The following PRLR variants were observed in gnomAD, a reference collection of about 807,000 sequenced individuals.
PRLR encodes the protein hPRL receptor.
Under a neutral mutation model 40.2 loss-of-function variants are expected in PRLR, and 13 were observed. That is an observed-to-expected ratio of 0.32 (90% CI 0.21 to 0.51). The LOEUF is 0.51. Among genes scored for constraint, PRLR ranks in the 20% least tolerant of loss-of-function variants. PRLR has a pLI of 0.97. For missense variants in PRLR, 656 were observed against 747.3 expected, an observed-to-expected ratio of 0.88 and a Z score of 1.42; for synonymous variants, 269 against 278.7, an observed-to-expected ratio of 0.97 and a Z score of 0.35.
At chr5:35,067,600 G>C (rs1769460612) in intron 9 of PRLR, among the ~76,000 whole-genome samples, 1 of 152,182 alleles carries the variant, frequency 6.6e-6, no homozygotes. Context: ...TCAGTGTTAA[G>C]CTTAAAAGCC....
At position 35,068,779 on chromosome 5, in the gene PRLR, C is replaced by T; in HGVS notation, c.785G>A (p.Ser262Asn). 1 of 1,587,744 alleles carries T rather than the reference C, an allele frequency of 6.3e-7. No homozygotes were observed. The highest frequency in any genetic ancestry group is 8.6e-7 in the Non-Finnish European group (1 of 1,156,454). ...IVWAVALKGY[S>N]MVTCIFPPVP... The stretch of plus-strand genomic sequence containing the variant: ...GAAAAGTTGAGAGACAGTGAAGTAC[C>T]TATAGCCCTTCAAAGCCACTGCCCA... The change falls in exon 8 of 10, where the codon AGC becomes AAC. Residue 262 changes from serine to asparagine, a missense_variant and splice_region_variant. Transcript: ENST00000618457.
At position 35,061,120 on chromosome 5, in the gene PRLR, A is replaced by G. The variant is rs1018749388; in HGVS notation, c.*3969T>C. 4 of 151,616 alleles carry G rather than the reference A, an allele frequency of 2.6e-5. No individual in the cohort carries two copies. Among genetic ancestry groups the G allele is most frequent in the African/African-American group, 4.9e-5 (2 of 41,046 alleles). 9.4% of individuals were successfully genotyped at this position (151,616 alleles called of 1,614,324 possible). On this transcript the variant is annotated 3_prime_UTR_variant, in exon 10 of 10. Coordinates refer to ENST00000618457, the MANE Select transcript of PRLR (RefSeq NM_000949.7). The stretch of plus-strand genomic sequence containing the variant: ...TCCATTCATACATATCTATATCTAT[A>G]TCTATATATATATATAATCCCTATA...
In PRLR at chr5:35,065,150, C is replaced by T; in HGVS notation, c.1808G>A (p.Arg603Lys). Residue 603 changes from arginine (R) to lysine (K), a missense_variant, in exon 10 of 10, where the codon AGG becomes AAG. Transcript: ENST00000618457. ...GTAATCCAAACCACCCAGCTGGAGC[C>T]TGCACTTGCTTGATGTTGCAGTGAA... The part of the protein sequence containing the change: ...ANFTATSSKC[R>K]LQLGGLDYLD... The T allele has an allele frequency of 1.2e-6, 2 of 1,614,176 alleles. No homozygotes were observed. Among genetic ancestry groups the T allele is most frequent in the Non-Finnish European group, 1.7e-6 (2 of 1,180,028 alleles).
intron 4 of PRLR, among the ~76,000 whole-genome samples, chr5:35,085,901 A>T (rs1218048956): frequency 1.3e-5 from 2 of 151,884 alleles, no homozygotes; most frequent in Non-Finnish European, 2.9e-5. Context: ...GATTGATGGG[A>T]CCCAAGCAAG....
intron 2 of PRLR, among the ~76,000 whole-genome samples, chr5:35,109,125 T>G (rs1040766365): frequency 6.6e-6 from 1 of 152,090 alleles, no homozygotes; most frequent in Non-Finnish European, 1.5e-5. Flanking sequence ...GAAAGGATTC[T>G]CTATTTAATA....
chr5:35,051,263 T>C (rs571743630), downstream of PRLR, among the ~76,000 whole-genome samples: 21 of 152,356 alleles, frequency 1.4e-4, no homozygotes, highest in East Asian at 1.5e-3. Context: ...GTGCCTGGCA[T>C]ACAGTGTTCA....
At chr5:35,223,478 G>C (rs142916327) in intron 1 of PRLR, among the ~76,000 whole-genome samples, 11 of 152,278 alleles carry the variant, frequency 7.2e-5, no homozygotes, top group African/African-American at 2.6e-4. Flanking sequence ...GGAGCCACTG[G>C]ATTAAGCCAA....
intron 2 of PRLR, among the ~76,000 whole-genome samples, chr5:35,092,988 A>T (rs983226684): frequency 2.9e-4 from 44 of 152,132 alleles, no homozygotes; most frequent in African/African-American, 9.7e-4. Context: ...CGTGGTATGA[A>T]CGCCAAGAAA....
At chr5:35,160,706 C>A (rs1272310265) in intron 1 of PRLR, among the ~76,000 whole-genome samples, 1 of 152,144 alleles carries the variant, frequency 6.6e-6, no homozygotes, top group Non-Finnish European at 1.5e-5. Flanking sequence ...ATGGTTGGCT[C>A]CACTTGTACC....
At chr5:35,095,022 T>A (rs1771448821) in intron 2 of PRLR, among the ~76,000 whole-genome samples, 1 of 151,814 alleles carries the variant, frequency 6.6e-6, no homozygotes, top group South Asian at 2.1e-4. Context: ...AGTGATGGGG[T>A]TTTGCCATGT....
At chr5:35,156,320 A>G (rs1303793098) in intron 1 of PRLR, among the ~76,000 whole-genome samples, 1 of 152,052 alleles carries the variant, frequency 6.6e-6, no homozygotes, top group Non-Finnish European at 1.5e-5. Context: ...TTGCCTGGAT[A>G]AATGTCTGCG....
chr5:35,141,205 G>A (rs551733331), intron 1 of PRLR, among the ~76,000 whole-genome samples: 2 of 149,878 alleles, frequency 1.3e-5, no homozygotes, highest in South Asian at 4.2e-4. Flanking sequence ...CATCATTCAT[G>A]TATTGCTTAC....
At chr5:35,070,770 G>A (rs1358244353) in intron 6 of PRLR, among the ~76,000 whole-genome samples, 2 of 150,372 alleles carry the variant, frequency 1.3e-5, no homozygotes, top group African/African-American at 4.9e-5. Context: ...TTGAACCTGG[G>A]AGGCGGATGT....
intron 1 of PRLR, among the ~76,000 whole-genome samples, chr5:35,177,669 G>A (rs1274022131): frequency 6.6e-6 from 1 of 152,080 alleles, no homozygotes; most frequent in African/African-American, 2.4e-5. Flanking sequence ...CTGAATCCTC[G>A]ATTGTACAAA....
At chr5:35,192,874 A>G (rs1775643243) in intron 1 of PRLR, among the ~76,000 whole-genome samples, 1 of 152,218 alleles carries the variant, frequency 6.6e-6, no homozygotes, top group Non-Finnish European at 1.5e-5. Flanking sequence ...ATCCAGGTAC[A>G]GCAGAAGCAG....
intron 1 of PRLR, among the ~76,000 whole-genome samples, chr5:35,216,795 A>C (rs1776298140): frequency 6.6e-6 from 1 of 152,244 alleles, no homozygotes; most frequent in Non-Finnish European, 1.5e-5. Flanking sequence ...ATTCAGTTTC[A>C]AAAGTTTAAC....
chr5:35,072,877 C>T, intron 5 of PRLR, 133 bp from the exon 6 acceptor site: 1 of 1,039,960 alleles, frequency 9.6e-7, no homozygotes, highest in Non-Finnish European at 1.4e-6. Context: ...CCCCCAAATA[C>T]CCGGGCCTTT....
At chr5:35,053,913 T>C (rs1768596085), downstream of PRLR, among the ~76,000 whole-genome samples, 1 of 152,026 alleles carries the variant, frequency 6.6e-6, no homozygotes, top group Non-Finnish European at 1.5e-5. Flanking sequence ...TTGTATAAAA[T>C]ATGGTAATAA....
chr5:35,163,123 G>C (rs943993898), intron 1 of PRLR, among the ~76,000 whole-genome samples: 2 of 152,114 alleles, frequency 1.3e-5, no homozygotes, highest in African/African-American at 4.8e-5. Flanking sequence ...TTCCTGGGTG[G>C]CACCTGGGAT....
Sources: allele counts gnomAD v4.1 joint callset (sites outside exome capture counted in the v4.1 genomes callset), GRCh38; gene constraint gnomAD v4.1.1; transcripts MANE v1.5; gene names NCBI Gene and HGNC (gene_info 2026-07-23, HGNC 2026-07-21).